The following ACER3 variants were observed in gnomAD, a reference collection of about 807,000 sequenced individuals.
The protein encoded by ACER3 is alkaline ceramidase 3.
ACER3 carries 16 observed loss-of-function variants against 48.9 expected under a neutral mutation model. The observed-to-expected ratio is 0.33, with a 90% CI of 0.22 to 0.50. The LOEUF is 0.50. Ranked by LOEUF, ACER3 falls within the 20% of genes least tolerant of loss-of-function variation. The probability of loss-of-function intolerance (pLI) is 0.98; values close to 1 mark genes in which losing one functional copy is unlikely to be tolerated. For missense variants in ACER3, 227 were observed against 326.0 expected (o/e 0.70, Z 2.34); for synonymous variants, 109 against 107.8 (o/e 1.01, Z -0.07).
intron 4 of ACER3, among the ~76,000 whole-genome samples, chr11:76,983,530 G>A (rs559419991): frequency 6.6e-6 from 1 of 152,074 alleles, no homozygotes; most frequent in African/African-American, 2.4e-5. Flanking sequence ...GCCCAAGCTG[G>A]TCTCGAACTC....
At chr11:76,869,269 T>A (rs1303385266) in intron 1 of ACER3, among the ~76,000 whole-genome samples, 1 of 152,162 alleles carries the variant, frequency 6.6e-6, no homozygotes, top group Non-Finnish European at 1.5e-5. Context: ...GTCACAGAAG[T>A]CTTCTGTGAT....
chr11:77,018,142 G>C (rs1555023726), intron 9 of ACER3, among the ~76,000 whole-genome samples: 1 of 151,936 alleles, frequency 6.6e-6, no homozygotes, highest in African/African-American at 2.4e-5. Flanking sequence ...CTTTCACCAT[G>C]TTGGTCATAC....
chr11:76,919,189 C>T (rs527352198), intron 1 of ACER3, among the ~76,000 whole-genome samples: 1 of 152,300 alleles, frequency 6.6e-6, no homozygotes, highest in South Asian at 2.1e-4. Flanking sequence ...TACAACCGAG[C>T]TCTAAATTGT....
At chr11:76,977,273 T>G (rs950979157) in intron 4 of ACER3, among the ~76,000 whole-genome samples, 8 of 152,190 alleles carry the variant, frequency 5.3e-5, no homozygotes, top group African/African-American at 1.7e-4. Context: ...ATTACAATGA[T>G]CACAATTCCT....
intron 1 of ACER3, among the ~76,000 whole-genome samples, chr11:76,865,786 G>A (rs1386655330): frequency 6.6e-6 from 1 of 150,986 alleles, no homozygotes; most frequent in East Asian, 2.0e-4. Flanking sequence ...TGGGATTACA[G>A]GTGTGAGCCA....
chr11:76,885,173 T>G (rs1356296048), intron 1 of ACER3, among the ~76,000 whole-genome samples: 1 of 152,222 alleles, frequency 6.6e-6, no homozygotes, highest in Non-Finnish European at 1.5e-5. Context: ...TTCTTATATG[T>G]TATTTGCATG....
intron 5 of ACER3, among the ~76,000 whole-genome samples, chr11:76,985,952 C>T (rs954683335): frequency 2.0e-5 from 3 of 151,964 alleles, no homozygotes; most frequent in Non-Finnish European, 4.4e-5. Flanking sequence ...AGGGAAAAAG[C>T]AAAAAAGCAA....
intron 1 of ACER3, among the ~76,000 whole-genome samples, chr11:76,862,279 A>G (rs1944961690): frequency 1.1e-5 from 1 of 94,512 alleles, no homozygotes; most frequent in Non-Finnish European, 2.3e-5. Context: ...GTAATTGGCT[A>G]AGTTTCAAAA....
At chr11:76,971,268 G>A (rs1480653588) in intron 3 of ACER3, among the ~76,000 whole-genome samples, 2 of 152,220 alleles carry the variant, frequency 1.3e-5, no homozygotes. Context: ...TAGGCCGAGC[G>A]CAGTGGTTCA....
intron 7 of ACER3, among the ~76,000 whole-genome samples, chr11:77,000,648 G>T (rs1179434502): frequency 6.6e-6 from 1 of 152,170 alleles, no homozygotes; most frequent in East Asian, 1.9e-4. Context: ...ACTGTTCTAA[G>T]ACCCATTAGT....
intron 3 of ACER3, among the ~76,000 whole-genome samples, chr11:76,966,871 G>A (rs1378554178): frequency 6.6e-6 from 1 of 151,226 alleles, no homozygotes; most frequent in East Asian, 1.9e-4. Flanking sequence ...ATCTACAATT[G>A]ACACCCTAAC....
intron 3 of ACER3, among the ~76,000 whole-genome samples, chr11:76,966,520 CA>C: frequency 6.6e-6 from 1 of 150,980 alleles, no homozygotes; most frequent in Admixed American, 6.6e-5. Context: ...TTTTCAGCAC[CA>C]CACCACCCCT....
chr11:76,952,669 T>TTTC (rs1491343258), intron 2 of ACER3, among the ~76,000 whole-genome samples: 856 of 17,010 alleles, frequency 0.05, 11 homozygotes, highest in African/African-American at 0.12. Context: ...GTAAGATTTC[T>TTTC]TTTTTTTTTT....
At chr11:76,902,362 G>A (rs909903329) in intron 1 of ACER3, among the ~76,000 whole-genome samples, 2 of 152,050 alleles carry the variant, frequency 1.3e-5, no homozygotes, top group African/African-American at 4.8e-5. Context: ...TAGCAATCCT[G>A]GACCCACATA....
intron 7 of ACER3, among the ~76,000 whole-genome samples, chr11:77,009,300 T>C (rs1555021627): frequency 6.6e-6 from 1 of 150,830 alleles, no homozygotes; most frequent in African/African-American, 2.4e-5. Flanking sequence ...CAAGAGAGAG[T>C]AGGGGAGGTG....
chr11:76,934,819 T>C lies in ACER3; in HGVS notation c.214+8152T>C, dbSNP rs930901721. 3.3e-5 allele frequency among the ~76,000 whole-genome samples: 5 copies of C among 151,974 alleles called. No homozygotes were observed. In the East Asian group the frequency reaches 7.8e-4, roughly 24 times the overall value. ...CTTGTAAGCCACTTAAAATCTTTAC[T>C]CTCTCTATAAAATAGACCCCCCAAC... On this transcript the variant is annotated intron_variant, in intron 2 of 10. Coordinates refer to ENST00000532485, the MANE Select transcript of ACER3 (RefSeq NM_018367.7).
chr11:76,947,984 G>C (rs1947520049), intron 2 of ACER3, among the ~76,000 whole-genome samples: 1 of 152,162 alleles, frequency 6.6e-6, no homozygotes, highest in South Asian at 2.1e-4. Context: ...ACGTAGCTTG[G>C]TAGAATTGCC....
intron 1 of ACER3, among the ~76,000 whole-genome samples, chr11:76,904,784 T>C (rs1946177122): frequency 2.0e-5 from 3 of 152,156 alleles, no homozygotes; most frequent in Non-Finnish European, 4.4e-5. Flanking sequence ...ATCTGTGGCC[T>C]CATGGAAAAG....
intron 1 of ACER3, among the ~76,000 whole-genome samples, chr11:76,922,718 A>G (rs1946717826): frequency 6.6e-6 from 1 of 152,180 alleles, no homozygotes; most frequent in Admixed American, 6.5e-5. Context: ...AAATCTTGCC[A>G]CCACCATTTG....
Sources: allele counts gnomAD v4.1 joint callset (sites outside exome capture counted in the v4.1 genomes callset), GRCh38; gene constraint gnomAD v4.1.1; transcripts MANE v1.5; gene names NCBI Gene and HGNC (gene_info 2026-07-23, HGNC 2026-07-21).